SCAI: variants seen among roughly 807,000 people sequenced by gnomAD.
SCAI encodes the protein protein SCAI.
A neutral mutation model predicts 92.2 loss-of-function variants in SCAI; 24 were observed. The observed-to-expected ratio is 0.26, with a 90% CI of 0.19 to 0.37. The LOEUF is 0.37. Among genes scored for constraint, SCAI ranks in the 10% least tolerant of loss-of-function variants. The pLI is 1.00. For synonymous variants in SCAI, 261 were observed against 258.6 expected (o/e 1.01, Z -0.09); for missense variants, 450 against 736.2 (o/e 0.61, Z 4.50).
intron 17 of SCAI, among the ~76,000 whole-genome samples, chr9:124,962,661 AAAC>A (rs762355947): frequency 3.9e-5 from 6 of 152,208 alleles, no homozygotes; most frequent in Non-Finnish European, 8.8e-5. Flanking sequence ...CCACAATGGC[AAAC>A]CTTGATCTAT....
intron 14 of SCAI, among the ~76,000 whole-genome samples, chr9:124,993,970 C>T (rs139809483): frequency 2.0e-3 from 303 of 151,994 alleles, no homozygotes; most frequent in African/African-American, 6.8e-3. Flanking sequence ...ACTGTGCTTT[C>T]GTTTTCCTGT....
intron 14 of SCAI, among the ~76,000 whole-genome samples, chr9:124,988,817 A>G (rs1832049975): frequency 6.6e-6 from 1 of 152,218 alleles, no homozygotes; most frequent in African/African-American, 2.4e-5. Flanking sequence ...ATAATTCACC[A>G]AGTACATGTT....
chr9:125,019,010 A>C, intron 8 of SCAI, 59 bp from the exon 9 acceptor site: 1 of 1,560,448 alleles, frequency 6.4e-7, no homozygotes, highest in Non-Finnish European at 8.8e-7. Flanking sequence ...CAATAGAGTA[A>C]GCTATTCCTT....
At chr9:125,055,052 T>C (rs577982179) in intron 3 of SCAI, among the ~76,000 whole-genome samples, 9 of 152,316 alleles carry the variant, frequency 5.9e-5, no homozygotes, top group Admixed American at 1.3e-4. Context: ...AGATAAATTA[T>C]CTGGTTTAAA....
At chr9:125,088,150 C>T (rs1834360899) in intron 2 of SCAI, among the ~76,000 whole-genome samples, 1 of 152,026 alleles carries the variant, frequency 6.6e-6, no homozygotes, top group African/African-American at 2.4e-5. Flanking sequence ...GGCTGGAGTG[C>T]AGTGGCACAA....
intron 2 of SCAI, 103 bp from the exon 3 acceptor site, chr9:125,056,110 G>A: frequency 1.3e-6 from 1 of 792,004 alleles, no homozygotes; most frequent in Non-Finnish European, 2.0e-6. Context: ...GACAGATATA[G>A]AATTCTTCTG....
Position 125,042,636 on chromosome 9 carries a change from C to T in SCAI, c.231-12897G>A, listed in dbSNP as rs866229041. Among the ~76,000 whole-genome samples, 113 of 61,954 alleles carry T rather than the reference C, an allele frequency of 1.8e-3. 1 individual carries two copies. The highest frequency in any genetic ancestry group is 6.6e-3 in the African/African-American group (102 of 15,340). 40.6% of individuals were successfully genotyped at this position (61,954 alleles called of 152,430 possible). On this transcript the variant is annotated intron_variant, in intron 3 of 17. Coordinates refer to ENST00000336505, the MANE Select transcript of SCAI (RefSeq NM_001144877.3). ...GAGTATGTGTGTGTGTGTGTGTGTA[C>T]ACACACACACACACACACACACACA...
intron 17 of SCAI, among the ~76,000 whole-genome samples, chr9:124,955,375 G>A (rs1391495174): frequency 6.6e-6 from 1 of 151,682 alleles, no homozygotes; most frequent in South Asian, 2.1e-4. Flanking sequence ...GGCCAGCCTC[G>A]ACAACATAGC....
At chr9:125,088,594 G>A (rs1237123535) in intron 2 of SCAI, among the ~76,000 whole-genome samples, 1 of 152,078 alleles carries the variant, frequency 6.6e-6, no homozygotes, top group Non-Finnish European at 1.5e-5. Context: ...TCCAGTCTCA[G>A]GTAGTTCTTT....
intron 2 of SCAI, among the ~76,000 whole-genome samples, chr9:125,075,385 C>T (rs111261473): frequency 0.024 from 3,688 of 151,880 alleles, 138 homozygotes; most frequent in African/African-American, 0.081. Flanking sequence ...TAAAGAAGTG[C>T]AGGCCACATA....
intron 3 of SCAI, 49 bp downstream of exon 3, chr9:125,055,827 A>T: frequency 6.6e-7 from 1 of 1,508,992 alleles, no homozygotes; most frequent in Non-Finnish European, 8.9e-7. Flanking sequence ...CCAGAAAAAA[A>T]ACAAATGCAG....
chr9:125,031,454 G>A (rs1564385872), intron 3 of SCAI, among the ~76,000 whole-genome samples: 1 of 151,512 alleles, frequency 6.6e-6, no homozygotes, highest in Non-Finnish European at 1.5e-5. Flanking sequence ...GTAGAGACAG[G>A]GTTTCACTGT....
chr9:125,087,252 T>C (rs1834341134), intron 2 of SCAI, among the ~76,000 whole-genome samples: 1 of 152,234 alleles, frequency 6.6e-6, no homozygotes, highest in Non-Finnish European at 1.5e-5. Context: ...CACATGCCAG[T>C]AGCATTGATT....
intron 13 of SCAI, among the ~76,000 whole-genome samples, chr9:124,998,906 CT>C (rs1461640992): frequency 6.6e-6 from 1 of 151,636 alleles, no homozygotes; most frequent in Non-Finnish European, 1.5e-5. Context: ...GTGTGAGCCA[CT>C]GCTATCAGCC....
chr9:125,108,441 G>T (rs1332599629), intron 2 of SCAI, among the ~76,000 whole-genome samples: 1 of 151,044 alleles, frequency 6.6e-6, no homozygotes, highest in South Asian at 2.1e-4. Flanking sequence ...GTCTCTGCCT[G>T]GCCGCCCATC....
intron 14 of SCAI, among the ~76,000 whole-genome samples, chr9:124,989,372 G>A (rs563191652): frequency 2.6e-5 from 4 of 152,010 alleles, no homozygotes; most frequent in East Asian, 1.9e-4. Flanking sequence ...GCCCAGACAG[G>A]CATTCAAGAC....
intron 3 of SCAI, among the ~76,000 whole-genome samples, chr9:125,045,924 T>C (rs140638316): frequency 1.1e-3 from 162 of 152,032 alleles, no homozygotes; most frequent in African/African-American, 3.7e-3. Context: ...CTATTGAATG[T>C]GGTTAAAAGT....
chr9:125,134,017 C>T (rs1835461852), intron 2 of SCAI, among the ~76,000 whole-genome samples: 1 of 152,132 alleles, frequency 6.6e-6, no homozygotes, highest in Admixed American at 6.5e-5. Context: ...TGAGAACCAC[C>T]CCTTAGTCTG....
chr9:125,135,978 A>C (rs536356463), intron 2 of SCAI, among the ~76,000 whole-genome samples: 5 of 151,880 alleles, frequency 3.3e-5, no homozygotes, highest in South Asian at 2.1e-4. Flanking sequence ...AAACAAAAAA[A>C]AAAAAAACAA....
Sources: gnomAD v4.1 joint callset for allele counts (sites outside exome capture counted in the v4.1 genomes callset) on GRCh38, gnomAD v4.1.1 for gene constraint, MANE v1.5 for transcripts, NCBI Gene and HGNC (gene_info 2026-07-23, HGNC 2026-07-21) for gene names.